GALNT13: variants seen among roughly 807,000 people sequenced by gnomAD.
GALNT13 encodes the protein UDP-GalNAc:polypeptide N-acetylgalactosaminyltransferase 13.
Under a neutral mutation model 64.2 loss-of-function variants are expected in GALNT13, and 28 were observed. The observed-to-expected ratio is 0.44, with a 90% CI of 0.32 to 0.60. GALNT13 has a LOEUF of 0.60. Ranked by LOEUF, GALNT13 falls within the 20% of genes least tolerant of loss-of-function variation. The pLI is 0.05. For synonymous variants in GALNT13, 214 were observed against 224.6 expected (o/e 0.95, Z 0.42); for missense variants, 577 against 669.8 (o/e 0.86, Z 1.53).
intron 3 of GALNT13, among the ~76,000 whole-genome samples, chr2:154,012,577 G>T (rs1696722427): frequency 6.6e-6 from 1 of 152,070 alleles, no homozygotes; most frequent in Admixed American, 6.6e-5. Flanking sequence ...TCGTGCAGGG[G>T]TTCTCTGTAT....
chr2:154,169,613 C>G (rs10181465), intron 4 of GALNT13, among the ~76,000 whole-genome samples: 116,033 of 152,058 alleles, frequency 0.76, 44,681 homozygotes, highest in East Asian at 0.96. Context: ...TCAATCAATC[C>G]TTGGATACAG....
the GALNT13 span, among the ~76,000 whole-genome samples, chr2:153,424,910 A>G: frequency 2.6e-5 from 4 of 151,900 alleles, no homozygotes; most frequent in Non-Finnish European, 4.4e-5. Flanking sequence ...TAGAAAAAAT[A>G]TCAGACAAAA....
intron 9 of GALNT13, among the ~76,000 whole-genome samples, chr2:154,389,242 A>T (rs1574217080): frequency 6.6e-6 from 1 of 151,546 alleles, no homozygotes; most frequent in South Asian, 2.1e-4. Flanking sequence ...TTCAAGTGAT[A>T]CTCCTGCCTC....
chr2:153,425,283 C>T, the GALNT13 span, among the ~76,000 whole-genome samples: 29 of 151,426 alleles, frequency 1.9e-4, no homozygotes, highest in African/African-American at 6.5e-4. Flanking sequence ...ATCAATGGGG[C>T]CTATAGTTTT....
chr2:154,050,100 T>C (rs548377762), intron 3 of GALNT13, among the ~76,000 whole-genome samples: 1 of 152,288 alleles, frequency 6.6e-6, no homozygotes, highest in East Asian at 1.9e-4. Flanking sequence ...CTCTTTGTCC[T>C]GATTGTTTTA....
Position 154,422,009 on chromosome 2 carries a change from G to A in GALNT13, c.1395+12927G>A, listed in dbSNP as rs187674416. 5.3e-4 allele frequency among the ~76,000 whole-genome samples: 81 copies of A among 152,240 alleles called. 1 individual carries two copies. The highest frequency in any genetic ancestry group is 1.7e-3 in the African/African-American group (72 of 41,566). ...TAAAAGACTCCACAAAGCACTCAGC[G>A]TGCACAGAGAGCAGAGGGTGAGTAA... On this transcript the variant is annotated intron_variant, in intron 11 of 12. Coordinates refer to ENST00000392825, the MANE Select transcript of GALNT13 (RefSeq NM_052917.4).
chr2:153,154,676 C>T, the GALNT13 span, among the ~76,000 whole-genome samples: 372 of 152,244 alleles, frequency 2.4e-3, 5 homozygotes, highest in South Asian at 0.035. Context: ...ATCACGCTAT[C>T]TGCAAACAGT....
chr2:154,371,306 G>A (rs1697671155), intron 9 of GALNT13, among the ~76,000 whole-genome samples: 1 of 152,112 alleles, frequency 6.6e-6, no homozygotes, highest in Non-Finnish European at 1.5e-5. Flanking sequence ...GAACTTGAAA[G>A]TATTTTTGAA....
At chr2:153,575,365 G>A in the GALNT13 span, among the ~76,000 whole-genome samples, 13 of 152,232 alleles carry the variant, frequency 8.5e-5, no homozygotes, top group African/African-American at 2.2e-4. Context: ...TGTAAACCAC[G>A]CCTTGACTAC....
At chr2:154,416,234 A>T (rs905389506) in intron 11 of GALNT13, among the ~76,000 whole-genome samples, 7 of 152,130 alleles carry the variant, frequency 4.6e-5, no homozygotes, top group African/African-American at 1.7e-4. Context: ...ACAGAAATTT[A>T]TTGTACACAG....
At chr2:153,789,327 A>C in the GALNT13 span, among the ~76,000 whole-genome samples, 3 of 148,196 alleles carry the variant, frequency 2.0e-5, no homozygotes, top group Non-Finnish European at 4.4e-5. Context: ...GAAATTAAAC[A>C]ACCTGATCCA....
chr2:154,443,238 A>T (rs1701392868), intron 12 of GALNT13, among the ~76,000 whole-genome samples: 2 of 152,080 alleles, frequency 1.3e-5, no homozygotes, highest in South Asian at 4.1e-4. Flanking sequence ...GTGAGTAGGA[A>T]TTTCAATAGA....
At chr2:154,326,275 A>G (rs922247849) in intron 9 of GALNT13, among the ~76,000 whole-genome samples, 1 of 152,002 alleles carries the variant, frequency 6.6e-6, no homozygotes, top group Non-Finnish European at 1.5e-5. Context: ...CTTTAATTCT[A>G]AAATCACTGA....
At chr2:153,827,401 A>T in the GALNT13 span, among the ~76,000 whole-genome samples, 5 of 152,112 alleles carry the variant, frequency 3.3e-5, no homozygotes. Flanking sequence ...AGGTGGGTGG[A>T]CCACGAGGTC....
At chr2:154,043,409 G>T (rs1699094971) in intron 3 of GALNT13, among the ~76,000 whole-genome samples, 1 of 18,596 alleles carries the variant, frequency 5.4e-5, no homozygotes, top group African/African-American at 2.8e-4. Flanking sequence ...CTACTATAAG[G>T]ACTTTTATAT....
At chr2:153,399,057 G>A in the GALNT13 span, among the ~76,000 whole-genome samples, 1 of 129,822 alleles carries the variant, frequency 7.7e-6, no homozygotes, top group South Asian at 2.9e-4. Flanking sequence ...ATGGTTTTAG[G>A]TCTAACGTTT....
At chr2:153,803,392 C>T in the GALNT13 span, among the ~76,000 whole-genome samples, 9 of 152,134 alleles carry the variant, frequency 5.9e-5, no homozygotes, top group East Asian at 1.7e-3. Flanking sequence ...GAATTGGTGG[C>T]CTCATAAGAA....
At chr2:154,051,596 C>G (rs1342727138) in intron 3 of GALNT13, among the ~76,000 whole-genome samples, 2 of 152,044 alleles carry the variant, frequency 1.3e-5, no homozygotes, top group East Asian at 3.9e-4. Flanking sequence ...GGCCATCTTA[C>G]TCCTTCTTGA....
intron 3 of GALNT13, among the ~76,000 whole-genome samples, chr2:153,946,985 C>G (rs1462387958): frequency 5.3e-5 from 8 of 151,880 alleles, no homozygotes; most frequent in Admixed American, 5.3e-4. Context: ...TTTAGGTCTG[C>G]TAAAAACAGG....
Sources: allele counts gnomAD v4.1 joint callset (sites outside exome capture counted in the v4.1 genomes callset), GRCh38; gene constraint gnomAD v4.1.1; transcripts MANE v1.5; gene names NCBI Gene and HGNC (gene_info 2026-07-23, HGNC 2026-07-21).